PAFAH1B1: variants seen among roughly 807,000 people sequenced by gnomAD.
The protein encoded by PAFAH1B1 is platelet-activating factor acetylhydrolase IB subunit beta.
PAFAH1B1 carries 2 observed loss-of-function variants against 57.5 expected under a neutral mutation model. The observed-to-expected ratio is 0.03, with a 90% CI of 0.01 to 0.11. The LOEUF is 0.11. PAFAH1B1 is among the 10% of genes least tolerant of loss of function. The pLI is 1.00. For missense variants in PAFAH1B1, 257 were observed against 512.0 expected, an observed-to-expected ratio of 0.50 and a Z score of 4.81; for synonymous variants, 152 against 169.6, an observed-to-expected ratio of 0.90 and a Z score of 0.81.
intron 1 of PAFAH1B1, chr17:2,609,529 T>C (rs1016657572): frequency 3.3e-5 from 5 of 152,350 alleles, no homozygotes; most frequent in Admixed American, 6.5e-5. Context: ...ATTTTTTTTT[T>C]TGAGACGGAG....
Position 2,596,574 on chromosome 17 carries a change from G to A in PAFAH1B1, c.-191+2568G>A, listed in dbSNP as rs189400424. Among the ~76,000 whole-genome samples the A allele has an allele frequency of 5.4e-3, 828 of 152,214 alleles. 6 individuals carry two copies. Among genetic ancestry groups the A allele is most frequent in the South Asian group, 0.016 (79 of 4,826 alleles). ...ATCTTCAAAAGAATTTCACATATAG[G>A]TGGTAAATGTGACTTTGATTAGCCT... On this transcript the variant is annotated intron_variant, in intron 1 of 10. Transcript: ENST00000397195.
chr17:2,673,561 C>T (rs1336283780), intron 7 of PAFAH1B1: 1 of 160,492 alleles, frequency 6.2e-6, no homozygotes, highest in Non-Finnish European at 1.4e-5. Flanking sequence ...ATGGCGTGAA[C>T]CTGGGAGGTG....
intron 2 of PAFAH1B1, among the ~76,000 whole-genome samples, chr17:2,660,665 T>A (rs1029909685): frequency 2.6e-5 from 4 of 152,242 alleles, no homozygotes; most frequent in Non-Finnish European, 5.9e-5. Context: ...GATAGGCATT[T>A]GGGTTGGTTC....
intron 8 of PAFAH1B1, among the ~76,000 whole-genome samples, chr17:2,675,716 C>T (rs2069253872): frequency 6.6e-6 from 1 of 151,796 alleles, no homozygotes; most frequent in African/African-American, 2.4e-5. Flanking sequence ...TGGTACACTC[C>T]TGTAGTCCCA....
intron 1 of PAFAH1B1, among the ~76,000 whole-genome samples, chr17:2,615,168 A>AT (rs1289446354): frequency 3.3e-5 from 5 of 152,222 alleles, no homozygotes; most frequent in African/African-American, 1.2e-4. Flanking sequence ...AGGTATTCTA[A>AT]GTAATCTAGA....
chr17:2,599,636 G>A (rs975731865), intron 1 of PAFAH1B1, among the ~76,000 whole-genome samples: 1 of 152,172 alleles, frequency 6.6e-6, no homozygotes, highest in Non-Finnish European at 1.5e-5. Context: ...GATCTCAAGA[G>A]AATTAAGGTG....
At chr17:2,640,448 G>A (rs932443011) in intron 2 of PAFAH1B1, 1 of 114,240 alleles carries the variant, frequency 8.8e-6, no homozygotes, top group Non-Finnish European at 1.8e-5. Context: ...TTCTCATATT[G>A]TCCTTTTTTT....
At chr17:2,627,523 T>G (rs1030749672) in intron 1 of PAFAH1B1, among the ~76,000 whole-genome samples, 7 of 152,230 alleles carry the variant, frequency 4.6e-5, no homozygotes, top group Admixed American at 1.3e-4. Flanking sequence ...GCAGATAGTG[T>G]GATGCCTCCA....
intron 1 of PAFAH1B1, among the ~76,000 whole-genome samples, chr17:2,617,170 A>G (rs2068355160): frequency 6.6e-6 from 1 of 152,218 alleles, no homozygotes; most frequent in Non-Finnish European, 1.5e-5. Context: ...TCAAAGCCCC[A>G]AAACTATTTC....
intron 2 of PAFAH1B1, 76 bp from the exon 3 acceptor site, chr17:2,665,296 G>C (rs2069091492): frequency 1.2e-6 from 1 of 839,944 alleles, no homozygotes; most frequent in Non-Finnish European, 2.0e-6. Context: ...GGGTTAATGA[G>C]ATTTTAAATA....
chr17:2,641,141 CTTTTGTTTTTGT>C (rs1408215576), intron 2 of PAFAH1B1: 2 of 152,132 alleles, frequency 1.3e-5, no homozygotes, highest in Non-Finnish European at 2.9e-5. Context: ...TGTCTTTTTT[CTTTTGTTTTTGT>C]TTTTGTTTTT....
intron 1 of PAFAH1B1, among the ~76,000 whole-genome samples, chr17:2,622,838 T>C (rs571054969): frequency 6.6e-6 from 1 of 152,260 alleles, no homozygotes; most frequent in Non-Finnish European, 1.5e-5. Flanking sequence ...TGCCTGGGCA[T>C]CTGGACGTTT....
chr17:2,630,287 C>A (rs2068539527), intron 1 of PAFAH1B1, among the ~76,000 whole-genome samples: 2 of 152,054 alleles, frequency 1.3e-5, no homozygotes, highest in South Asian at 4.2e-4. Flanking sequence ...TTTAGCAGTT[C>A]TTGTAATGGT....
rs745785490 is a variant in PAFAH1B1, at chr17:2,680,213, A to C, written c.1052A>C (p.Lys351Thr). 2 of 1,614,064 alleles carry C rather than the reference A, an allele frequency of 1.2e-6. No individual in the cohort carries two copies. The highest frequency in any genetic ancestry group is 1.1e-5 in the South Asian group (1 of 91,076). ...VRGVLFHSGGKFILSCADDKT... is the reference protein window; with the variant it reads ...VRGVLFHSGGTFILSCADDKT... ...GGAGTTCTGTTCCATTCTGGGGGGA[A>C]GTTTATTTTGAGTTGTGCTGATGAC... Residue 351 changes from lysine (K) to threonine (T), a missense_variant, in exon 10 of 11, where the codon AAG (lysine) becomes ACG (threonine). By Grantham distance (78) the Lys-to-Thr change is moderately conservative. Coordinates refer to ENST00000397195, the MANE Select transcript of PAFAH1B1 (RefSeq NM_000430.4).
intron 1 of PAFAH1B1, among the ~76,000 whole-genome samples, chr17:2,611,284 A>G (rs1402250836): frequency 6.6e-6 from 1 of 152,080 alleles, no homozygotes; most frequent in Non-Finnish European, 1.5e-5. Context: ...CCTGACCAAT[A>G]TGGTGAAACC....
intron 1 of PAFAH1B1, among the ~76,000 whole-genome samples, chr17:2,620,239 AAAGT>A (rs1356178423): frequency 1.3e-5 from 2 of 152,216 alleles, no homozygotes; most frequent in African/African-American, 4.8e-5. Context: ...GTCTAAGCCT[AAAGT>A]AAGGTAATGT....
At chr17:2,627,314 G>T (rs111663408) in intron 1 of PAFAH1B1, among the ~76,000 whole-genome samples, 2,045 of 152,166 alleles carry the variant, frequency 0.013, 43 homozygotes, top group African/African-American at 0.047. Context: ...TATGTGGCTA[G>T]CCAGTTATCT....
chr17:2,642,897 A>G (rs1008302596), intron 2 of PAFAH1B1, among the ~76,000 whole-genome samples: 3 of 151,964 alleles, frequency 2.0e-5, no homozygotes, highest in African/African-American at 7.3e-5. Flanking sequence ...TAATATATAA[A>G]CCATTATCTA....
chr17:2,593,579 T>G (rs2068045758), upstream of PAFAH1B1, among the ~76,000 whole-genome samples: 4 of 144,990 alleles, frequency 2.8e-5, no homozygotes, highest in South Asian at 9.0e-4. Context: ...TCCCTCTTCC[T>G]GGCGGGTCTG....
Sources: gnomAD v4.1 joint callset for allele counts (sites outside exome capture counted in the v4.1 genomes callset) on GRCh38, gnomAD v4.1.1 for gene constraint, MANE v1.5 for transcripts, NCBI Gene and HGNC (gene_info 2026-07-23, HGNC 2026-07-21) for gene names.